Variants in RARB observed in about 807,000 individuals in gnomAD.
The protein encoded by RARB is HBV-activated protein.
Under a neutral mutation model 51.9 loss-of-function variants are expected in RARB, and 17 were observed. That is an observed-to-expected ratio of 0.33 (90% CI 0.22 to 0.49). The LOEUF (loss-of-function observed/expected upper bound fraction) is 0.49, where lower values mean the gene tolerates loss of function less well. Ranked by LOEUF, RARB falls within the 20% of genes least tolerant of loss-of-function variation. The pLI is 0.99. For synonymous variants in RARB, 215 were observed against 195.4 expected, an observed-to-expected ratio of 1.10 and a Z score of -0.84; for missense variants, 369 against 550.8, an observed-to-expected ratio of 0.67 and a Z score of 3.30.
intron 1 of RARB, among the ~76,000 whole-genome samples, chr3:25,447,210 C>T (rs1244073828): frequency 6.6e-6 from 1 of 152,014 alleles, no homozygotes; most frequent in Non-Finnish European, 1.5e-5. Flanking sequence ...ATGCAGATTT[C>T]ATTTTTTTAA....
At position 25,329,442 on chromosome 3, in the gene RARB, G is replaced by A. The variant is rs187595788; in HGVS notation, c.179-131751G>A. Among the ~76,000 whole-genome samples the A allele has an allele frequency of 1.7e-3, 262 of 152,240 alleles. 1 individual carries two copies. The highest frequency in any genetic ancestry group is 5.8e-3 in the African/African-American group (240 of 41,544). Reference sequence around the variant, plus strand: ...AAACTCCAACAGACCTGCAGCTGAGGGTCCTGACTTTTAGAAGGAAAACTA... The same window carrying A: ...AAACTCCAACAGACCTGCAGCTGAGAGTCCTGACTTTTAGAAGGAAAACTA... On this transcript the variant is annotated intron_variant, in intron 5 of 11. Transcript: ENST00000383772.
intron 5 of RARB, among the ~76,000 whole-genome samples, chr3:25,314,105 C>T (rs1704359140): frequency 6.6e-6 from 1 of 151,628 alleles, no homozygotes; most frequent in Non-Finnish European, 1.5e-5. Context: ...TTTTAAAAAT[C>T]ACAAAAAATT....
At chr3:25,362,182 C>A (rs1425513200) in intron 5 of RARB, among the ~76,000 whole-genome samples, 1 of 152,168 alleles carries the variant, frequency 6.6e-6, no homozygotes, top group East Asian at 1.9e-4. Flanking sequence ...CAGTAATGCC[C>A]TGCCCAGAGT....
intron 2 of RARB, among the ~76,000 whole-genome samples, chr3:24,979,929 A>AG (rs1696606402): frequency 6.7e-6 from 1 of 149,490 alleles, no homozygotes; most frequent in Non-Finnish European, 1.5e-5. Flanking sequence ...TTATTTCCAC[A>AG]TGCTTCCTTC....
At chr3:25,274,376 C>A (rs1404886597) in intron 5 of RARB, among the ~76,000 whole-genome samples, 2 of 152,246 alleles carry the variant, frequency 1.3e-5, no homozygotes, top group African/African-American at 4.8e-5. Context: ...TGGTGCCCTT[C>A]CAGTCCCTTC....
At chr3:25,449,605 T>A (rs1471928419) in intron 1 of RARB, among the ~76,000 whole-genome samples, 1 of 152,156 alleles carries the variant, frequency 6.6e-6, no homozygotes, top group Non-Finnish European at 1.5e-5. Flanking sequence ...CCCATTCCCT[T>A]GAACTTAAGA....
chr3:25,191,002 T>C (rs779999757), intron 5 of RARB, among the ~76,000 whole-genome samples: 27 of 151,918 alleles, frequency 1.8e-4, no homozygotes, highest in Admixed American at 5.9e-4. Context: ...CTAACTCTTT[T>C]CCTCCTTAGG....
At chr3:24,857,294 T>G (rs918065864) in intron 1 of RARB, among the ~76,000 whole-genome samples, 3 of 152,208 alleles carry the variant, frequency 2.0e-5, no homozygotes, top group African/African-American at 7.2e-5. Flanking sequence ...TCCAAAGTTT[T>G]TAAGTATTTC....
At chr3:25,340,037 G>T (rs1246684739) in intron 5 of RARB, among the ~76,000 whole-genome samples, 1 of 152,114 alleles carries the variant, frequency 6.6e-6, no homozygotes. Flanking sequence ...TGAAAAAGAA[G>T]ACTGCAGCCT....
intron 4 of RARB, among the ~76,000 whole-genome samples, chr3:25,134,073 C>T (rs2125334262): frequency 6.6e-6 from 1 of 150,974 alleles, no homozygotes; most frequent in South Asian, 2.1e-4. Flanking sequence ...CTGTTTAGTT[C>T]CAAAGTTAGA....
chr3:24,883,771 T>C (rs1257215379), intron 2 of RARB, among the ~76,000 whole-genome samples: 1 of 152,082 alleles, frequency 6.6e-6, no homozygotes, highest in East Asian at 1.9e-4. Flanking sequence ...ATAAAACACA[T>C]TGCAAGCAAA....
chr3:24,853,403 A>G (rs1343375115), intron 1 of RARB, among the ~76,000 whole-genome samples: 1 of 152,192 alleles, frequency 6.6e-6, no homozygotes, highest in African/African-American at 2.4e-5. Flanking sequence ...TAAAATAAAG[A>G]CAACTAGTGA....
chr3:25,459,579 G>T (rs1695070657), intron 1 of RARB, among the ~76,000 whole-genome samples: 1 of 152,204 alleles, frequency 6.6e-6, no homozygotes, highest in Admixed American at 6.5e-5. Context: ...GAAGGGGCAT[G>T]AAGTGACCAA....
chr3:25,083,463 T>C (rs1343737358), intron 3 of RARB, among the ~76,000 whole-genome samples: 1 of 152,142 alleles, frequency 6.6e-6, no homozygotes, highest in Non-Finnish European at 1.5e-5. Context: ...CCAGACAGTA[T>C]TTTTCATTTC....
At chr3:24,901,888 C>T (rs1020990855) in intron 2 of RARB, among the ~76,000 whole-genome samples, 1 of 151,948 alleles carries the variant, frequency 6.6e-6, no homozygotes, top group African/African-American at 2.4e-5. Flanking sequence ...ATATATATAA[C>T]GTTAATAATA....
chr3:24,868,579 G>A (rs982329810), intron 2 of RARB, among the ~76,000 whole-genome samples: 25 of 152,108 alleles, frequency 1.6e-4, no homozygotes, highest in African/African-American at 5.8e-4. Flanking sequence ...GGCCATGATG[G>A]GAAGGTGGGT....
chr3:25,429,297 T>A (rs1373775612), intron 1 of RARB, among the ~76,000 whole-genome samples: 1 of 152,202 alleles, frequency 6.6e-6, no homozygotes, highest in African/African-American at 2.4e-5. Flanking sequence ...TTGGATTAGC[T>A]ACTAGTTGTA....
At chr3:25,456,611 A>G (rs1363300775) in intron 1 of RARB, among the ~76,000 whole-genome samples, 1 of 118,338 alleles carries the variant, frequency 8.5e-6, no homozygotes, top group African/African-American at 3.4e-5. Context: ...TATAGGCCAC[A>G]TAGAGGAAAT....
intron 5 of RARB, among the ~76,000 whole-genome samples, chr3:25,185,393 G>A (rs1169768219): frequency 6.6e-6 from 1 of 152,126 alleles, no homozygotes; most frequent in East Asian, 1.9e-4. Context: ...ATGTCACTTT[G>A]TCCTTTATAA....
Sources: gnomAD v4.1 joint callset for allele counts (sites outside exome capture counted in the v4.1 genomes callset) on GRCh38, gnomAD v4.1.1 for gene constraint, MANE v1.5 for transcripts, NCBI Gene and HGNC (gene_info 2026-07-23, HGNC 2026-07-21) for gene names.